The following TEK variants were observed in gnomAD, a reference collection of about 807,000 sequenced individuals.
TEK encodes angiopoietin-1 receptor.
In TEK, 43 loss-of-function variants were observed where a neutral mutation model predicts 131.8. The ratio of observed to expected loss-of-function variants is 0.33; its 90% CI spans 0.26 to 0.42. The LOEUF is 0.42. Among genes scored for constraint, TEK ranks in the 10% least tolerant of loss-of-function variants. TEK has a pLI of 1.00. For missense variants in TEK, 1,162 were observed against 1,384.4 expected (o/e 0.84, Z 2.55); for synonymous variants, 580 against 491.6 (o/e 1.18, Z -2.38).
chr9:27,154,294 C>T (rs954555746), intron 1 of TEK, among the ~76,000 whole-genome samples: 14 of 152,186 alleles, frequency 9.2e-5, no homozygotes, highest in African/African-American at 3.4e-4. Flanking sequence ...TTAGGTATTT[C>T]TCCTAAGGCT....
At chr9:27,122,523 T>A (rs2131043732) in intron 1 of TEK, among the ~76,000 whole-genome samples, 1 of 152,094 alleles carries the variant, frequency 6.6e-6, no homozygotes, top group Admixed American at 6.5e-5. Context: ...GAAGATGGGT[T>A]GGAGAAAAGG....
chr9:27,179,447 A>G (rs1357149448), intron 6 of TEK, among the ~76,000 whole-genome samples: 3 of 151,970 alleles, frequency 2.0e-5, no homozygotes, highest in African/African-American at 4.8e-5. Flanking sequence ...GTTGGTCTCT[A>G]TTTATTTTCT....
intron 6 of TEK, among the ~76,000 whole-genome samples, chr9:27,175,296 G>A (rs1355987550): frequency 6.6e-6 from 1 of 150,930 alleles, no homozygotes; most frequent in Non-Finnish European, 1.5e-5. Context: ...TTTCATCCAT[G>A]TCCCTACAAA....
rs1195201762 is a variant in TEK at position 27,157,885 on chromosome 9, C to G, written c.107C>G (p.Ser36Cys). 6.2e-7 allele frequency: 1 copy of G among 1,614,072 alleles called. No individual in the cohort carries two copies. Among genetic ancestry groups the G allele is most frequent in the Non-Finnish European group, 8.5e-7 (1 of 1,180,000 alleles). The change falls in exon 2 of 23, where the codon TCT becomes TGT. Residue 36 changes from serine (S) to cysteine (C), a missense_variant. Transcript: ENST00000380036. ...LILINSLPLV[S>C]DAETSLTCIA... Reference sequence around the variant, plus strand: ...TTGATCAATTCCCTACCTCTTGTATCTGATGCTGAAACATCTCTCACCTGC... The same window carrying G: ...TTGATCAATTCCCTACCTCTTGTATGTGATGCTGAAACATCTCTCACCTGC...
At chr9:27,190,200 G>A (rs1483579330) in intron 9 of TEK, among the ~76,000 whole-genome samples, 1 of 152,164 alleles carries the variant, frequency 6.6e-6, no homozygotes, top group Admixed American at 6.6e-5. Context: ...GAGGGGAAGA[G>A]GAGGCTGGAG....
At chr9:27,159,887 TTGTC>T (rs1181650560) in intron 2 of TEK, among the ~76,000 whole-genome samples, 6 of 152,108 alleles carry the variant, frequency 3.9e-5, no homozygotes, top group African/African-American at 9.7e-5. Context: ...ATCAGCCACT[TTGTC>T]TGGGCTGCTG....
chr9:27,165,883 C>T lies in TEK; in HGVS notation c.365-2612C>T, dbSNP rs1472135914. On this transcript the variant is annotated intron_variant, in intron 2 of 22. Coordinates refer to ENST00000380036, the MANE Select transcript of TEK (RefSeq NM_000459.5). ...TGTGCAAGGCACCCATGCTAGGATC[C>T]GCAGGCACAGCCCACAGCCGATGAA... is the stretch of plus-strand genomic sequence containing the variant. Among the ~76,000 whole-genome samples, 3 of 152,342 alleles carry T rather than the reference C, an allele frequency of 2.0e-5. No homozygotes were observed. In the East Asian group the frequency reaches 5.8e-4, roughly 29 times the overall value.
chr9:27,131,136 A>G (rs1217726094), intron 1 of TEK, among the ~76,000 whole-genome samples: 2 of 152,156 alleles, frequency 1.3e-5, no homozygotes, highest in Admixed American at 6.5e-5. Flanking sequence ...ACTCTCTTAC[A>G]TACTACACCT....
intron 12 of TEK, among the ~76,000 whole-genome samples, chr9:27,197,940 A>T (rs1825087514): frequency 6.6e-6 from 1 of 152,206 alleles, no homozygotes; most frequent in South Asian, 2.1e-4. Context: ...CACAGATGTC[A>T]GTTAATTCCA....
rs529905839 is a variant in TEK at position 27,229,520 on chromosome 9, G to A, written c.*288G>A. The stretch of plus-strand genomic sequence containing the variant: ...AAAAATGTGGACTTCATAGGAAGGC[G>A]TGAGTACAATTAGTATAATGCATAA... On this transcript the variant is annotated 3_prime_UTR_variant, in exon 23 of 23. Transcript: ENST00000380036. 24 of 446,916 alleles carry A rather than the reference G, an allele frequency of 5.4e-5. No individual in the cohort carries two copies. Among genetic ancestry groups the A allele is most frequent in the East Asian group, 8.6e-5 (2 of 23,174 alleles). The allele number at this position is 446,916 out of a possible 1,614,324, so 27.7% of individuals were successfully genotyped here. A position where few individuals can be genotyped will look rare whatever the true frequency, so the allele number is the denominator to read the frequency against.
At chr9:27,222,471 C>T (rs1826124456) in intron 21 of TEK, among the ~76,000 whole-genome samples, 1 of 152,184 alleles carries the variant, frequency 6.6e-6, no homozygotes, top group South Asian at 2.1e-4. Context: ...AGAGAAAGGT[C>T]AGGTTACCCA....
chr9:27,144,465 C>T lies in TEK; in HGVS notation c.53-13366C>T, dbSNP rs76581478. 5.7e-3 allele frequency among the ~76,000 whole-genome samples: 869 copies of T among 152,298 alleles called. 12 individuals are homozygous for T. Among genetic ancestry groups the T allele is most frequent in the African/African-American group, 0.018 (735 of 41,572 alleles). ...ATTTATACCTAAAGTTTCTCAAGAA[C>T]TCTCTCTTAACGAATGCGCATAGGC... On this transcript the variant is annotated intron_variant, in intron 1 of 22. Transcript: ENST00000380036.
At chr9:27,173,423 G>C (rs1587550084) in intron 6 of TEK, 61 bp downstream of exon 6, 2 of 1,609,008 alleles carry the variant, frequency 1.2e-6, no homozygotes, top group African/African-American at 2.7e-5. Context: ...AGGAGATCCA[G>C]TTTGCTGTCA....
intron 8 of TEK, among the ~76,000 whole-genome samples, chr9:27,185,151 C>T (rs1460639827): frequency 2.0e-5 from 3 of 152,116 alleles, no homozygotes; most frequent in African/African-American, 7.2e-5. Flanking sequence ...TCCTCCCACG[C>T]AGCCATCTCT....
chr9:27,111,171 A>G (rs756112755), intron 1 of TEK, among the ~76,000 whole-genome samples: 16 of 152,194 alleles, frequency 1.1e-4, no homozygotes, highest in South Asian at 4.1e-4. Context: ...TACTTGTTCC[A>G]TGTCTAGACC....
At chr9:27,206,150 G>T (rs1448954766) in intron 14 of TEK, among the ~76,000 whole-genome samples, 1 of 151,824 alleles carries the variant, frequency 6.6e-6, no homozygotes, top group Non-Finnish European at 1.5e-5. Flanking sequence ...AATAGAGTAG[G>T]ATCAAGATAA....
intron 1 of TEK, among the ~76,000 whole-genome samples, chr9:27,117,609 A>G (rs1821620622): frequency 6.6e-6 from 1 of 152,132 alleles, no homozygotes; most frequent in Admixed American, 6.5e-5. Context: ...ACACTTTTCA[A>G]CACATCTGCA....
In TEK at chr9:27,183,448, T is replaced by G. The variant is rs773670401; in HGVS notation, c.1031-11T>G. ...AATATTAGATTTCACAGTGCTGTTT[T>G]CTTCCTTCAGGCATACAGAGGATGA... is the stretch of plus-strand genomic sequence containing the variant. On this transcript the variant is annotated splice_polypyrimidine_tract_variant and intron_variant, in intron 7 of 22. Transcript: ENST00000380036. The G allele has an allele frequency of 6.2e-7, 1 of 1,613,486 alleles. No homozygotes were observed. Among genetic ancestry groups the G allele is most frequent in the East Asian group, 2.2e-5 (1 of 44,888 alleles).
At chr9:27,211,481 C>A (rs1239623211) in intron 16 of TEK, among the ~76,000 whole-genome samples, 2 of 108,182 alleles carry the variant, frequency 1.8e-5, no homozygotes, top group African/African-American at 7.3e-5. Flanking sequence ...TAGATAGGGT[C>A]TCACTCTGTT....
Sources: allele counts gnomAD v4.1 joint callset (sites outside exome capture counted in the v4.1 genomes callset), GRCh38; gene constraint gnomAD v4.1.1; transcripts MANE v1.5; gene names NCBI Gene and HGNC (gene_info 2026-07-23, HGNC 2026-07-21).